The following FRMD4B variants were observed in gnomAD, a reference collection of about 807,000 sequenced individuals.
The protein encoded by FRMD4B is FERM domain containing 4B.
A neutral mutation model predicts 141.5 loss-of-function variants in FRMD4B; 74 were observed. That is an observed-to-expected ratio of 0.52 (90% CI 0.43 to 0.63). The LOEUF (loss-of-function observed/expected upper bound fraction) is 0.63. Among genes scored for constraint, FRMD4B ranks in the 30% least tolerant of loss-of-function variants. FRMD4B has a pLI of 0.00. For missense variants in FRMD4B, 1,366 were observed against 1,253.4 expected (o/e 1.09, Z -1.36); for synonymous variants, 506 against 467.9 (o/e 1.08, Z -1.05).
intron 2 of FRMD4B, among the ~76,000 whole-genome samples, chr3:69,396,368 A>T (rs1171645644): frequency 1.3e-5 from 2 of 152,074 alleles, no homozygotes; most frequent in East Asian, 1.9e-4. Flanking sequence ...AGCCAGGCAT[A>T]GTGGCACACA....
chr3:69,506,825 G>T (rs373461249), intron 1 of FRMD4B, among the ~76,000 whole-genome samples: 2 of 136,870 alleles, frequency 1.5e-5, no homozygotes, highest in Non-Finnish European at 3.2e-5. Flanking sequence ...ATTACGGGGT[G>T]AGCTACAGTA....
intron 1 of FRMD4B, chr3:69,536,470 AC>A: frequency 1.4e-6 from 1 of 700,754 alleles, no homozygotes; most frequent in Non-Finnish European, 2.6e-6. Context: ...GTAGAGCTTG[AC>A]GGCCACCGCC....
chr3:69,286,468 ATG>A (rs34216517), intron 5 of FRMD4B, among the ~76,000 whole-genome samples: 144,922 of 152,196 alleles, frequency 0.95, 69,411 homozygotes, highest in East Asian at 1. Flanking sequence ...TAAGTTAAAA[ATG>A]TGTATACTAT....
Position 69,443,691 on chromosome 3 carries a change from G to T in FRMD4B, c.-128-10930C>A, listed in dbSNP as rs117210516. On this transcript the variant is annotated intron_variant, in intron 1 of 5. Coordinates refer to the FRMD4B transcript ENST00000459638. The stretch of plus-strand genomic sequence containing the variant: ...TTGCTTCCAGCAACACACACTTGCT[G>T]TCCTCACTCATTCCTGGGTGTAGGC... Among the ~76,000 whole-genome samples, 73 of 152,346 alleles carry T rather than the reference G, an allele frequency of 4.8e-4. No homozygotes were observed. In the East Asian group the frequency reaches 0.013, roughly 27 times the overall value.
chr3:69,524,891 G>A (rs1158409011), intron 1 of FRMD4B, among the ~76,000 whole-genome samples: 2 of 152,188 alleles, frequency 1.3e-5, no homozygotes, highest in Non-Finnish European at 2.9e-5. Context: ...TCCTAAAAGT[G>A]GGAGAGGAAA....
rs1412112343 is a variant in FRMD4B at position 69,180,909 on chromosome 3, C to T, written c.2841G>A (p.Ser947=). ...VPCSPSSRAS[S]YSSVSSTNAS... ...TTACAGTATTCTCACCTGAAGAGTA[C>T]GAGGATGCACGACTGCTTGGAGAAC... Residue 947 remains serine, a synonymous_variant, in exon 21 of 23, where the codon TCG becomes TCA. Coordinates refer to ENST00000398540, the MANE Select transcript of FRMD4B (RefSeq NM_015123.3). 3 of 1,601,978 alleles carry T rather than the reference C, an allele frequency of 1.9e-6. No individual in the cohort carries two copies. The highest frequency in any genetic ancestry group is 2.6e-6 in the Non-Finnish European group (3 of 1,171,098).
At chr3:69,222,131 T>C (rs1270780172) in intron 8 of FRMD4B, among the ~76,000 whole-genome samples, 1 of 152,092 alleles carries the variant, frequency 6.6e-6, no homozygotes, top group Admixed American at 6.6e-5. Context: ...CTTTAACTTA[T>C]GTTTTATGTA....
intron 11 of FRMD4B, among the ~76,000 whole-genome samples, chr3:69,206,767 G>A (rs2093027879): frequency 6.6e-6 from 1 of 152,100 alleles, no homozygotes; most frequent in South Asian, 2.1e-4. Flanking sequence ...GGTACTTGAT[G>A]GCAGGGATTG....
chr3:69,235,572 T>C (rs1295032571), intron 7 of FRMD4B, among the ~76,000 whole-genome samples: 1 of 151,388 alleles, frequency 6.6e-6, no homozygotes, highest in Non-Finnish European at 1.5e-5. Context: ...CGCAGAAGAA[T>C]CGCTTGAGCC....
chr3:69,369,234 T>A (rs1703758430), intron 1 of FRMD4B, among the ~76,000 whole-genome samples: 1 of 152,226 alleles, frequency 6.6e-6, no homozygotes, highest in Non-Finnish European at 1.5e-5. Flanking sequence ...TATCTATACA[T>A]AAATACATAC....
rs1394117164 is a variant in FRMD4B at position 69,170,059 on chromosome 3, T to G, written c.*1802A>C. 6.6e-6 allele frequency: 1 copy of G among 152,186 alleles called. No individual in the cohort carries two copies. The highest frequency in any genetic ancestry group is 1.5e-5 in the Non-Finnish European group (1 of 68,032). The allele number at this position is 152,186 out of a possible 1,614,324, so 9.4% of individuals were successfully genotyped here. On this transcript the variant is annotated 3_prime_UTR_variant, in exon 23 of 23. Transcript: ENST00000398540. Reference sequence around the variant, plus strand: ...TTTTAATGTACTATTAAGAAAAAACTGCCAATTCAAGTAGAATATGCCATC... The same window carrying G: ...TTTTAATGTACTATTAAGAAAAAACGGCCAATTCAAGTAGAATATGCCATC...
intron 5 of FRMD4B, among the ~76,000 whole-genome samples, chr3:69,278,200 T>C (rs1459040733): frequency 6.6e-6 from 1 of 152,200 alleles, no homozygotes; most frequent in Non-Finnish European, 1.5e-5. Context: ...TAATAAGTAT[T>C]GCTTTAAAAA....
upstream of FRMD4B, among the ~76,000 whole-genome samples, chr3:69,389,071 T>C (rs1006299440): frequency 1.4e-5 from 2 of 147,220 alleles, no homozygotes; most frequent in Non-Finnish European, 3.0e-5. Context: ...TCTCCCTCTG[T>C]CGCCCAGGCT....
chr3:69,512,424 A>G (rs1706704993), intron 1 of FRMD4B, among the ~76,000 whole-genome samples: 1 of 152,238 alleles, frequency 6.6e-6, no homozygotes, highest in Admixed American at 6.5e-5. Context: ...AAGCTACTAT[A>G]ACAAAGAGAC....
chr3:69,248,521 C>G (rs2106770479), intron 7 of FRMD4B, among the ~76,000 whole-genome samples: 1 of 152,332 alleles, frequency 6.6e-6, no homozygotes, highest in South Asian at 2.1e-4. Flanking sequence ...TGTAAATAAT[C>G]TACGAGTAAC....
chr3:69,358,642 A>G (rs887048257), intron 1 of FRMD4B, among the ~76,000 whole-genome samples: 2 of 152,186 alleles, frequency 1.3e-5, no homozygotes, highest in Non-Finnish European at 2.9e-5. Flanking sequence ...AGGCTGAGGT[A>G]GGAGAATCAC....
intron 1 of FRMD4B, among the ~76,000 whole-genome samples, chr3:69,459,445 C>T (rs1705674280): frequency 6.6e-6 from 1 of 152,196 alleles, no homozygotes; most frequent in South Asian, 2.1e-4. Flanking sequence ...GATATATGTA[C>T]ACCTTAATCC....
At chr3:69,224,559 G>A (rs1260590168) in intron 8 of FRMD4B, 48 bp downstream of exon 8, 4 of 838,186 alleles carry the variant, frequency 4.8e-6, no homozygotes, top group Admixed American at 2.0e-5. Context: ...ATGTAGTTCT[G>A]AATGGAGGCT....
intron 1 of FRMD4B, among the ~76,000 whole-genome samples, chr3:69,321,839 C>T (rs770977579): frequency 1.7e-4 from 26 of 152,162 alleles, no homozygotes; most frequent in Non-Finnish European, 1.9e-4. Flanking sequence ...GTCAGCCTCC[C>T]GAATAGCTGG....
Sources: gnomAD v4.1 joint callset for allele counts (sites outside exome capture counted in the v4.1 genomes callset) on GRCh38, gnomAD v4.1.1 for gene constraint, MANE v1.5 for transcripts, NCBI Gene and HGNC (gene_info 2026-07-23, HGNC 2026-07-21) for gene names.